ADAMTS16: variants seen among roughly 807,000 people sequenced by gnomAD.
ADAMTS16 encodes the protein ADAM metallopeptidase with thrombospondin type 1 motif 16.
ADAMTS16 carries 94 observed loss-of-function variants against 145.8 expected under a neutral mutation model. The ratio of observed to expected loss-of-function variants is 0.64; its 90% CI spans 0.55 to 0.77. ADAMTS16 has a LOEUF of 0.77. ADAMTS16 is among the 30% of genes least tolerant of loss of function. The pLI is 0.00. For missense variants in ADAMTS16, 1,585 were observed against 1,591.5 expected (o/e 1.00, Z 0.07); for synonymous variants, 659 against 604.3 (o/e 1.09, Z -1.33).
intron 17 of ADAMTS16, among the ~76,000 whole-genome samples, chr5:5,246,794 G>A (rs1322440428): frequency 6.6e-6 from 1 of 152,178 alleles, no homozygotes; most frequent in Non-Finnish European, 1.5e-5. Flanking sequence ...TGTGCGAGCC[G>A]CTATGCTGAG....
chr5:5,291,839 G>T (rs919046713), intron 18 of ADAMTS16, among the ~76,000 whole-genome samples: 1 of 152,136 alleles, frequency 6.6e-6, no homozygotes, highest in African/African-American at 2.4e-5. Flanking sequence ...TGAAACACAG[G>T]TACATTATGG....
At chr5:5,216,125 C>T (rs1370074053) in intron 10 of ADAMTS16, among the ~76,000 whole-genome samples, 1 of 151,790 alleles carries the variant, frequency 6.6e-6, no homozygotes, top group Non-Finnish European at 1.5e-5. Context: ...ACACTTTTTT[C>T]CATAGTGGCT....
chr5:5,168,625 T>TA (rs1734953913), intron 3 of ADAMTS16, among the ~76,000 whole-genome samples: 1 of 85,924 alleles, frequency 1.2e-5, no homozygotes, highest in East Asian at 2.4e-4. Context: ...ATATATTATA[T>TA]TATATATAAT....
chr5:5,175,076 T>G (rs1735150040), intron 3 of ADAMTS16, among the ~76,000 whole-genome samples: 1 of 152,222 alleles, frequency 6.6e-6, no homozygotes, highest in Non-Finnish European at 1.5e-5. Context: ...AGAAGAAGTC[T>G]CTGCCCATAG....
intron 11 of ADAMTS16, among the ~76,000 whole-genome samples, chr5:5,226,088 C>T (rs73735759): frequency 0.19 from 29,207 of 151,788 alleles, 3,300 homozygotes; most frequent in East Asian, 0.5. Context: ...AAATGGGAGG[C>T]GGTTTTTGCA....
At chr5:5,147,557 T>C (rs1289240018) in intron 3 of ADAMTS16, among the ~76,000 whole-genome samples, 2 of 152,122 alleles carry the variant, frequency 1.3e-5, no homozygotes, top group Non-Finnish European at 2.9e-5. Context: ...AGAAATTTGA[T>C]ATGAGTTGAT....
chr5:5,218,344 CA>C (rs1736493914), intron 10 of ADAMTS16, among the ~76,000 whole-genome samples: 1 of 152,150 alleles, frequency 6.6e-6, no homozygotes, highest in Admixed American at 6.5e-5. Context: ...GGACATGAGA[CA>C]GGGGTGTGGC....
intron 2 of ADAMTS16, 120 bp downstream of exon 2, chr5:5,140,886 C>T: frequency 2.1e-6 from 2 of 975,426 alleles, no homozygotes; most frequent in Non-Finnish European, 1.4e-6. Context: ...TTTTAAGATG[C>T]TGTTGTGAAC....
At chr5:5,272,336 G>A (rs1020945095) in intron 18 of ADAMTS16, among the ~76,000 whole-genome samples, 19 of 150,084 alleles carry the variant, frequency 1.3e-4, no homozygotes, top group African/African-American at 4.4e-4. Context: ...ATTCTCGGCT[G>A]TTGCTGATAT....
At chr5:5,218,913 G>A (rs1265610485) in intron 10 of ADAMTS16, among the ~76,000 whole-genome samples, 1 of 152,126 alleles carries the variant, frequency 6.6e-6, no homozygotes, top group Non-Finnish European at 1.5e-5. Flanking sequence ...GGTGTCTGCT[G>A]GTCTGTTCCT....
At chr5:5,189,690 G>T (rs1343961333) in intron 6 of ADAMTS16, among the ~76,000 whole-genome samples, 1 of 152,134 alleles carries the variant, frequency 6.6e-6, no homozygotes, top group African/African-American at 2.4e-5. Context: ...AAAAATTCAT[G>T]CACAGAAGTA....
intron 3 of ADAMTS16, among the ~76,000 whole-genome samples, chr5:5,175,336 T>C (rs1735162049): frequency 6.6e-6 from 1 of 152,146 alleles, no homozygotes; most frequent in African/African-American, 2.4e-5. Context: ...GCCTCAGAAT[T>C]CTACCTGGTG....
rs550701883 is a variant in ADAMTS16 at position 5,240,041 on chromosome 5, G to A, written c.2523+116G>A. 1.8e-5 allele frequency: 26 copies of A among 1,472,896 alleles called. No homozygotes were observed. In the South Asian group the frequency reaches 3.1e-4, roughly 18 times the overall value. The allele number at this position is 1,472,896 out of a possible 1,614,324, so 91.2% of individuals were successfully genotyped here. ...GAATGTAAACAGTTATAAAAAGAGTGATCCATCCATAGCCGGAATGAGGCA... is the reference window on the plus strand; with the variant it reads ...GAATGTAAACAGTTATAAAAAGAGTAATCCATCCATAGCCGGAATGAGGCA... On this transcript the variant is annotated intron_variant, in intron 16 of 22. Transcript: ENST00000274181.
At position 5,232,462 on chromosome 5, in the gene ADAMTS16, C is replaced by A. The variant is rs1736959805; in HGVS notation, c.1796C>A (p.Ser599Tyr). The A allele has an allele frequency of 6.2e-7, 1 of 1,613,918 alleles. No homozygotes were observed. Among genetic ancestry groups the A allele is most frequent in the Non-Finnish European group, 8.5e-7 (1 of 1,180,012 alleles). Reference sequence around the variant, plus strand: ...GACTGGTCTTCTTGGTCCCCATGCTCCAGGACCTGCGGAGGGGGAGTATCT... The same window carrying A: ...GACTGGTCTTCTTGGTCCCCATGCTACAGGACCTGCGGAGGGGGAGTATCT... ...WSDWSSWSPC[S>Y]RTCGGGVSHR... The change falls in exon 12 of 23, where the codon TCC (serine) becomes TAC (tyrosine). Residue 599 changes from serine (S) to tyrosine (Y), a missense_variant. By Grantham distance (144) the Ser-to-Tyr change is moderately radical. Transcript: ENST00000274181.
intron 13 of ADAMTS16, among the ~76,000 whole-genome samples, chr5:5,236,301 C>CGCCTTTT (rs1553993360): frequency 4.0e-5 from 6 of 148,786 alleles, no homozygotes; most frequent in African/African-American, 1.5e-4. Flanking sequence ...TGTCCCTCCC[C>CGCCTTTT]TTTTTTTTTT....
intron 17 of ADAMTS16, among the ~76,000 whole-genome samples, chr5:5,261,774 T>C (rs1738044004): frequency 6.6e-6 from 1 of 152,314 alleles, no homozygotes; most frequent in African/African-American, 2.4e-5. Flanking sequence ...TGGCAAAATA[T>C]ATGTGAAATT....
At chr5:5,190,966 T>C (rs985544946) in intron 7 of ADAMTS16, among the ~76,000 whole-genome samples, 13 of 145,848 alleles carry the variant, frequency 8.9e-5, no homozygotes, top group African/African-American at 3.2e-4. Flanking sequence ...TGGCAAACTT[T>C]AGGCAGTGGG....
intron 10 of ADAMTS16, 36 bp downstream of exon 10, chr5:5,209,282 A>T (rs1736213154): frequency 6.2e-7 from 1 of 1,607,646 alleles, no homozygotes; most frequent in East Asian, 2.2e-5. Flanking sequence ...ATGCAACATG[A>T]TTCATAAGAC....
At chr5:5,276,200 T>G (rs987317716) in intron 18 of ADAMTS16, among the ~76,000 whole-genome samples, 7 of 152,236 alleles carry the variant, frequency 4.6e-5, no homozygotes, top group Non-Finnish European at 1.5e-5. Context: ...TCTCTTCTTA[T>G]GGAGTGTGGT....
Sources: allele counts gnomAD v4.1 joint callset (sites outside exome capture counted in the v4.1 genomes callset), GRCh38; gene constraint gnomAD v4.1.1; transcripts MANE v1.5; gene names NCBI Gene and HGNC (gene_info 2026-07-23, HGNC 2026-07-21).